BRPF1: variants seen among roughly 807,000 people sequenced by gnomAD.
BRPF1 encodes the protein peregrin.
BRPF1 carries 15 observed loss-of-function variants against 115.0 expected under a neutral mutation model. The ratio of observed to expected loss-of-function variants is 0.13; its 90% CI spans 0.09 to 0.20. The LOEUF is 0.20. BRPF1 is among the 10% of genes least tolerant of loss of function. The probability of loss-of-function intolerance (pLI) is 1.00; values close to 1 mark genes in which losing one functional copy is unlikely to be tolerated. For synonymous variants in BRPF1, 647 were observed against 619.8 expected (o/e 1.04, Z -0.65); for missense variants, 1,118 against 1,638.3 (o/e 0.68, Z 5.48).
At chr3:9,738,096 A>C (rs999576259) in intron 2 of BRPF1, among the ~76,000 whole-genome samples, 1 of 152,142 alleles carries the variant, frequency 6.6e-6, no homozygotes, top group Admixed American at 6.5e-5. Flanking sequence ...CACCTATAGC[A>C]TGCCAGGCAA....
rs751469381 is a variant in BRPF1 at position 9,734,422 on chromosome 3, G to T, written c.282G>T (p.Gln94His). The change falls in exon 2 of 14, where the codon CAG becomes CAT. Residue 94 changes from glutamine (Q) to histidine (H), a missense_variant. This residue lies in a region of BRPF1 where 280 missense variants were observed against 382.8 expected (regional missense o/e 0.73). Transcript: ENST00000383829. This position sits in a 1 kb window ranked among gnomAD's most constrained non-coding sequence, Gnocchi z 5.7. ...GCCGTGAGGTGATGAGCTATGCACA[G>T]GCCCAGCGCATGGTGGAGGTGGACT... ...SPGREVMSYA[Q>H]AQRMVEVDLH... 3.1e-6 allele frequency: 5 copies of T among 1,614,130 alleles called. No homozygotes were observed. In the South Asian group the frequency reaches 5.5e-5, roughly 18 times the overall value.
chr3:9,741,313 T>C lies in BRPF1; in HGVS notation c.1728T>C (p.Asp576=), dbSNP rs763205967. 4 of 1,575,624 alleles carry C rather than the reference T, an allele frequency of 2.5e-6. No individual in the cohort carries two copies. Among genetic ancestry groups the C allele is most frequent in the Non-Finnish European group, 3.5e-6 (4 of 1,157,034 alleles). Residue 576 remains aspartate (D), a synonymous_variant, in exon 5 of 14, where the codon GAT becomes GAC. Transcript: ENST00000383829. ...TCTTCGTTTTGCCTCTACAGAGAGA[T>C]TCTGAGGATAAGAACTGGGCCCTTA... ...SQRNCDQVGR[D]SEDKNWALKE...
intron 6 of BRPF1, chr3:9,742,441 C>T (rs1041914193): frequency 1.4e-5 from 14 of 985,296 alleles, no homozygotes; most frequent in Non-Finnish European, 1.7e-5. Context: ...AAGACACTTT[C>T]GGGGTGCTGA....
intron 6 of BRPF1, chr3:9,742,648 C>A: frequency 1.4e-6 from 1 of 691,974 alleles, no homozygotes; most frequent in Non-Finnish European, 1.8e-6. Flanking sequence ...GTCCCCAAGC[C>A]ATTTTCTTAC....
intron 2 of BRPF1, among the ~76,000 whole-genome samples, chr3:9,735,105 C>T (rs772974943): frequency 2.6e-5 from 4 of 151,050 alleles, no homozygotes; most frequent in East Asian, 1.9e-4. Context: ...TTCCTCCTTC[C>T]GTGCTTAAGT....
intron 2 of BRPF1, among the ~76,000 whole-genome samples, chr3:9,736,607 C>G (rs900938664): frequency 6.6e-6 from 1 of 152,200 alleles, no homozygotes; most frequent in African/African-American, 2.4e-5. Context: ...CATTCAGCTG[C>G]TTTTCTTCCT....
At position 9,745,285 on chromosome 3, in the gene BRPF1, G is replaced by T; in HGVS notation, c.3068+130G>T. On this transcript the variant is annotated intron_variant, in intron 10 of 13. Transcript: ENST00000383829. This position sits in a 1 kb window ranked among gnomAD's most constrained non-coding sequence, Gnocchi z 5.1. Reference sequence around the variant, plus strand: ...TAGATTAAGATGGCTCAAACTCAAGGTTCTCTGCTAAATAAATAAATCAGT... The same window carrying T: ...TAGATTAAGATGGCTCAAACTCAAGTTTCTCTGCTAAATAAATAAATCAGT... 2.6e-6 allele frequency: 3 copies of T among 1,147,868 alleles called. No individual in the cohort carries two copies. Among genetic ancestry groups the T allele is most frequent in the Non-Finnish European group, 3.6e-6 (3 of 826,214 alleles). 71.1% of individuals were successfully genotyped at this position (1,147,868 alleles called of 1,614,324 possible). A position where few individuals can be genotyped will look rare whatever the true frequency, so the allele number is the denominator to read the frequency against.
chr3:9,746,702 A>C (rs113364304), intron 13 of BRPF1, among the ~76,000 whole-genome samples: 13 of 152,146 alleles, frequency 8.5e-5, no homozygotes, highest in Admixed American at 1.3e-4. Flanking sequence ...ACAAATATAG[A>C]GGTGGCTCCC....
chr3:9,742,213 C>A (rs781123798), intron 6 of BRPF1, 42 bp downstream of exon 6: 45 of 1,607,052 alleles, frequency 2.8e-5, no homozygotes, highest in Non-Finnish European at 3.6e-5. Flanking sequence ...CTCTGTTCCT[C>A]TCCCAGTTGG....
rs776554283 is a variant in BRPF1 at position 9,745,016 on chromosome 3, G to T, written c.2929G>T (p.Ala977Ser). The T allele has an allele frequency of 2.5e-5, 41 of 1,614,060 alleles. 2 individuals are homozygous for T. The South Asian group carries it at 4.3e-4, about 17-fold the overall frequency. ...STEDPPMDLP[A>S]NGFSGGNQPV... ...CCTTCCCTTCAACCAAGACTTACCA[G>T]CCAATGGCTTCAGCGGTGGAAACCA... Residue 977 changes from alanine (A) to serine (S), a missense_variant, in exon 10 of 14, where the codon GCC (alanine) becomes TCC (serine). Around this residue, in one of 10 missense-constraint regions of BRPF1, gnomAD observed 92 missense variants for 102.2 expected, o/e 0.90. Coordinates refer to ENST00000383829, the MANE Select transcript of BRPF1 (RefSeq NM_001003694.2). The surrounding 1 kb of genome is among the most constrained non-coding windows in gnomAD (Gnocchi z 5.1).
At position 9,742,170 on chromosome 3, in the gene BRPF1, A is replaced by C. The variant is rs1354124014; in HGVS notation, c.2000A>C (p.Glu667Ala). 6.2e-7 allele frequency: 1 copy of C among 1,614,044 alleles called. No homozygotes were observed. Among genetic ancestry groups the C allele is most frequent in the South Asian group, 1.1e-5 (1 of 91,062 alleles). Residue 667 changes from glutamate to alanine, a missense_variant and splice_region_variant, in exon 6 of 14, where the codon GAA becomes GCA. By Grantham distance (107) the Glu-to-Ala change is moderately radical (BLOSUM62 -1). Transcript: ENST00000383829. ...VPLSEVTELD[E>A]VPDYLDHIKK... Reference sequence around the variant, plus strand: ...CTGTCTGAGGTAACCGAATTGGACGAAGTAAGAATCCCTTCCCCTCACTCC... The same window carrying C: ...CTGTCTGAGGTAACCGAATTGGACGCAGTAAGAATCCCTTCCCCTCACTCC...
Position 9,743,492 on chromosome 3 carries a change from G to C in BRPF1, c.2312-86G>C. On this transcript the variant is annotated intron_variant, in intron 7 of 13. Coordinates refer to ENST00000383829, the MANE Select transcript of BRPF1 (RefSeq NM_001003694.2). The surrounding 1 kb of genome is among the most constrained non-coding windows in gnomAD (Gnocchi z 6.1). ...TCCTGGTGAGAAGCCCAGGGGGGAT[G>C]AGTGGGTTTCTTGCTGCCTGCCCAG... 7.0e-7 allele frequency: 1 copy of C among 1,437,022 alleles called. No individual in the cohort carries two copies. The highest frequency in any genetic ancestry group is 9.5e-7 in the Non-Finnish European group (1 of 1,051,858). 89.0% of individuals were successfully genotyped at this position (1,437,022 alleles called of 1,614,324 possible).
At position 9,745,497 on chromosome 3, in the gene BRPF1, A is replaced by G. The variant is rs2077107953; in HGVS notation, c.3069-76A>G. The stretch of plus-strand genomic sequence containing the variant: ...AAAGTCTCAGACCCTGCGGGCTTTA[A>G]GAGCTGAGGGCACATACCATGCTGT... On this transcript the variant is annotated intron_variant, in intron 10 of 13. Transcript: ENST00000383829. This position sits in a 1 kb window ranked among gnomAD's most constrained non-coding sequence, Gnocchi z 5.1. 16 of 1,529,376 alleles carry G rather than the reference A, an allele frequency of 1.0e-5. No individual in the cohort carries two copies. The highest frequency in any genetic ancestry group is 1.4e-5 in the Non-Finnish European group (16 of 1,110,238). The allele number at this position is 1,529,376 out of a possible 1,614,324, so 94.7% of individuals were successfully genotyped here. A position where few individuals can be genotyped will look rare whatever the true frequency, so the allele number is the denominator to read the frequency against.
chr3:9,733,836 C>T (rs1458445162), intron 1 of BRPF1, among the ~76,000 whole-genome samples: 2 of 152,138 alleles, frequency 1.3e-5, no homozygotes, highest in African/African-American at 4.8e-5. Context: ...CATCAGGAGG[C>T]TTTTAATGAA....
intron 13 of BRPF1, 84 bp downstream of exon 13, chr3:9,746,538 C>T (rs548177742): frequency 7.1e-7 from 1 of 1,407,430 alleles, no homozygotes; most frequent in Non-Finnish European, 9.4e-7. Context: ...GAAACTCCAG[C>T]AACAGGCAGA....
chr3:9,745,688 G>A lies in BRPF1; in HGVS notation c.3184G>A (p.Gly1062Ser). The change falls in exon 11 of 14, where the codon GGC becomes AGC. Residue 1062 changes from glycine to serine, a missense_variant. Physicochemically the swap from Gly to Ser is moderately conservative, Grantham distance 56. Transcript: ENST00000383829. This position sits in a 1 kb window ranked among gnomAD's most constrained non-coding sequence, Gnocchi z 5.1. ...TENEAYSVGT[G>S]RGVGHSMVRK... is the part of the protein sequence containing the mutation. The stretch of plus-strand genomic sequence containing the variant: ...GAATGAGGCCTACTCCGTGGGCACT[G>A]GCCGCGGCGTGGGCCACAGCAGTAA... The A allele has an allele frequency of 6.2e-7, 1 of 1,614,242 alleles. No individual in the cohort carries two copies. Among genetic ancestry groups the A allele is most frequent in the Non-Finnish European group, 8.5e-7 (1 of 1,180,014 alleles).
chr3:9,746,413 G>A lies in BRPF1; in HGVS notation c.3438G>A (p.Glu1146=). The change falls in exon 13 of 14, where the codon GAG becomes GAA. Residue 1146 remains glutamate (E), a synonymous_variant. Coordinates refer to ENST00000383829, the MANE Select transcript of BRPF1 (RefSeq NM_001003694.2). The part of the protein sequence containing the change: ...LGEQMTQEAR[E]HLYLVLFFDN... The stretch of plus-strand genomic sequence containing the variant: ...AGCAGATGACCCAGGAAGCCCGAGA[G>A]CATCTCTACCTCGTCCTCTTCTTTG... The A allele has an allele frequency of 6.2e-7, 1 of 1,607,886 alleles. No homozygotes were observed.
At position 9,745,422 on chromosome 3, in the gene BRPF1, C is replaced by T; in HGVS notation, c.3069-151C>T. ...CACCTCTGTTAGGTCATCAGCCTAG[C>T]CCCTGTGGGTGTTTGAATTTGAAAT... On this transcript the variant is annotated intron_variant, in intron 10 of 13. Transcript: ENST00000383829. This position sits in a 1 kb window ranked among gnomAD's most constrained non-coding sequence, Gnocchi z 5.1. 9.8e-7 allele frequency: 1 copy of T among 1,018,468 alleles called. No homozygotes were observed. Among genetic ancestry groups the T allele is most frequent in the Non-Finnish European group, 1.5e-6 (1 of 688,746 alleles). 63.1% of individuals were successfully genotyped at this position (1,018,468 alleles called of 1,614,324 possible).
In BRPF1 at chr3:9,743,480, C is replaced by A. The variant is rs540612157; in HGVS notation, c.2312-98C>A. ...TTTTACAGCTGTTCCTGGTGAGAAG[C>A]CCAGGGGGGATGAGTGGGTTTCTTG... On this transcript the variant is annotated intron_variant, in intron 7 of 13. Transcript: ENST00000383829. The surrounding 1 kb of genome is among the most constrained non-coding windows in gnomAD (Gnocchi z 6.1). 4 of 1,388,822 alleles carry A rather than the reference C, an allele frequency of 2.9e-6. No homozygotes were observed. The Admixed American group carries it at 8.3e-5, about 29-fold the overall frequency. The allele number at this position is 1,388,822 out of a possible 1,614,324, so 86.0% of individuals were successfully genotyped here.
Sources: allele counts gnomAD v4.1 joint callset (sites outside exome capture counted in the v4.1 genomes callset), GRCh38; gene constraint gnomAD v4.1.1; regional missense constraint gnomAD v4.1.1; non-coding constraint Gnocchi (gnomAD v3.1); transcripts MANE v1.5; gene names NCBI Gene and HGNC (gene_info 2026-07-23, HGNC 2026-07-21).